PPFIA2: variants seen among roughly 807,000 people sequenced by gnomAD.
The protein encoded by PPFIA2 is liprin-alpha-2.
In PPFIA2, 46 loss-of-function variants were observed where a neutral mutation model predicts 175.5. That is an observed-to-expected ratio of 0.26 (90% confidence interval 0.21 to 0.34). PPFIA2 has a LOEUF of 0.34. Among genes scored for constraint, PPFIA2 ranks in the 10% least tolerant of loss-of-function variants. The pLI is 1.00. For missense variants in PPFIA2, 1,179 were observed against 1,506.1 expected, an observed-to-expected ratio of 0.78 and a Z score of 3.60; for synonymous variants, 568 against 511.4, an observed-to-expected ratio of 1.11 and a Z score of -1.49.
chr12:81,429,726 T>C (rs554185650), intron 7 of PPFIA2, among the ~76,000 whole-genome samples: 2 of 152,098 alleles, frequency 1.3e-5, no homozygotes, highest in Non-Finnish European at 2.9e-5. Flanking sequence ...AATATTTGTA[T>C]CTCTTCCTTT....
chr12:81,535,750 A>G (rs951273749), intron 4 of PPFIA2, among the ~76,000 whole-genome samples: 3 of 151,742 alleles, frequency 2.0e-5, no homozygotes, highest in African/African-American at 4.8e-5. Flanking sequence ...CAGGAGCAAG[A>G]AGATATTCAT....
intron 4 of PPFIA2, among the ~76,000 whole-genome samples, chr12:81,587,384 C>T (rs950641016): frequency 6.6e-6 from 1 of 151,916 alleles, no homozygotes; most frequent in African/African-American, 2.4e-5. Context: ...GCCTTCTTCC[C>T]CTTCCACCAT....
At chr12:81,276,046 A>C (rs2040440275) in intron 28 of PPFIA2, among the ~76,000 whole-genome samples, 1 of 152,104 alleles carries the variant, frequency 6.6e-6, no homozygotes, top group African/African-American at 2.4e-5. Context: ...GGCCTCCCAA[A>C]GTGCTGCGAT....
chr12:81,615,062 T>A (rs537412605), intron 4 of PPFIA2, among the ~76,000 whole-genome samples: 1 of 152,190 alleles, frequency 6.6e-6, no homozygotes, highest in Non-Finnish European at 1.5e-5. Context: ...ATTTCATACA[T>A]AAAACAATTT....
At chr12:81,462,604 AT>A (rs5799528) in intron 4 of PPFIA2, among the ~76,000 whole-genome samples, 11,348 of 141,966 alleles carry the variant, frequency 0.08, 541 homozygotes, top group Middle Eastern at 0.15. Flanking sequence ...ATATATATAT[AT>A]ATAATATAGC....
chr12:81,299,763 T>G (rs2047357398), intron 22 of PPFIA2, among the ~76,000 whole-genome samples: 1 of 152,190 alleles, frequency 6.6e-6, no homozygotes, highest in African/African-American at 2.4e-5. Context: ...TGCCCTGCCC[T>G]CTTTGCCTTA....
intron 3 of PPFIA2, 58 bp downstream of exon 3, chr12:81,753,915 T>G: frequency 1.3e-6 from 2 of 1,584,382 alleles, no homozygotes; most frequent in Non-Finnish European, 1.7e-6. Flanking sequence ...GGGAGTAAAG[T>G]GAATCTTAAC....
Position 81,529,518 on chromosome 12 carries a change from GACAC to G in PPFIA2, c.304-71656_304-71653del, listed in dbSNP as rs375183877. On this transcript the variant is annotated intron_variant, in intron 4 of 32. Transcript: ENST00000549396. The stretch of plus-strand genomic sequence containing the variant: ...TATTCCAAGTAAATAGAGAGAGAGA[GACAC>G]ACACACACACACAAAGAGTGGCGGG... Among the ~76,000 whole-genome samples the G allele has an allele frequency of 2.1e-3, 314 of 149,856 alleles. 2 individuals are homozygous for G. Among genetic ancestry groups the G allele is most frequent in the African/African-American group, 7.5e-3 (307 of 40,740 alleles).
chr12:81,470,889 T>A lies in PPFIA2; in HGVS notation c.304-13023A>T, dbSNP rs548011500. On this transcript the variant is annotated intron_variant, in intron 4 of 32. Transcript: ENST00000549396. ...TGCACAATTGTAATTTTATACCCAT[T>A]GAACAACAGCTACCCACATACCCCT... Among the ~76,000 whole-genome samples, 4 of 152,282 alleles carry A rather than the reference T, an allele frequency of 2.6e-5. No individual in the cohort carries two copies. In the South Asian group the frequency reaches 8.3e-4, roughly 32 times the overall value.
At chr12:81,489,075 T>G (rs1479277989) in intron 4 of PPFIA2, among the ~76,000 whole-genome samples, 6 of 151,884 alleles carry the variant, frequency 4.0e-5, no homozygotes, top group Non-Finnish European at 5.9e-5. Flanking sequence ...ATTCTCAATA[T>G]GTGCTGACTT....
chr12:81,486,184 A>G (rs1266373233), intron 4 of PPFIA2, among the ~76,000 whole-genome samples: 1 of 151,882 alleles, frequency 6.6e-6, no homozygotes, highest in Non-Finnish European at 1.5e-5. Flanking sequence ...CAATAACCAT[A>G]TGGTGTTGCT....
At chr12:81,610,652 T>C (rs117898833) in intron 4 of PPFIA2, among the ~76,000 whole-genome samples, 2,223 of 152,294 alleles carry the variant, frequency 0.015, 47 homozygotes, top group East Asian at 0.042. Context: ...TCCCTGGATT[T>C]TTTGGATGGG....
intron 4 of PPFIA2, among the ~76,000 whole-genome samples, chr12:81,648,418 A>C (rs1217214361): frequency 1.3e-5 from 2 of 152,052 alleles, no homozygotes; most frequent in Admixed American, 1.3e-4. Context: ...AATATAAAAA[A>C]TCAATAGTAA....
At chr12:81,711,260 C>T (rs1237164637) in intron 3 of PPFIA2, among the ~76,000 whole-genome samples, 2 of 151,232 alleles carry the variant, frequency 1.3e-5, no homozygotes, top group African/African-American at 4.8e-5. Context: ...ATGAAATATT[C>T]AACCAACATA....
At chr12:81,731,252 A>C (rs1299268448) in intron 3 of PPFIA2, among the ~76,000 whole-genome samples, 1 of 151,632 alleles carries the variant, frequency 6.6e-6, no homozygotes, top group Non-Finnish European at 1.5e-5. Flanking sequence ...CAGTTAAAGG[A>C]AGGCTATATC....
chr12:81,718,485 T>C (rs954222584), intron 3 of PPFIA2, among the ~76,000 whole-genome samples: 11 of 151,498 alleles, frequency 7.3e-5, no homozygotes, highest in African/African-American at 2.4e-4. Flanking sequence ...TTGAAGAACA[T>C]TGTAATGTGT....
intron 4 of PPFIA2, among the ~76,000 whole-genome samples, chr12:81,621,378 C>A (rs2062026797): frequency 6.6e-6 from 1 of 152,162 alleles, no homozygotes; most frequent in African/African-American, 2.4e-5. Context: ...TCTTGCATGG[C>A]ATTAATTGGA....
chr12:81,633,093 C>T (rs748895162), intron 4 of PPFIA2, among the ~76,000 whole-genome samples: 6 of 152,068 alleles, frequency 3.9e-5, no homozygotes, highest in Admixed American at 2.6e-4. Flanking sequence ...ATCATAATCA[C>T]GTCTAGTAAA....
At chr12:81,408,381 G>C (rs1005818021) in intron 7 of PPFIA2, among the ~76,000 whole-genome samples, 1 of 152,030 alleles carries the variant, frequency 6.6e-6, no homozygotes, top group Non-Finnish European at 1.5e-5. Context: ...AAAGTACCAG[G>C]CCATTTAAAA....
Sources: allele counts gnomAD v4.1 joint callset (sites outside exome capture counted in the v4.1 genomes callset), GRCh38; gene constraint gnomAD v4.1.1; transcripts MANE v1.5; gene names NCBI Gene and HGNC (gene_info 2026-07-23, HGNC 2026-07-21).